Variants in DACH2 observed in about 807,000 individuals in gnomAD.
DACH2 encodes dachshund family transcription factor 2, also known as dachshund homolog 2.
In DACH2, 17 loss-of-function variants were observed where a neutral mutation model predicts 35.8. That is an observed-to-expected ratio of 0.48 (90% CI 0.33 to 0.71). The LOEUF (loss-of-function observed/expected upper bound fraction) is 0.71. Among genes scored for constraint, DACH2 ranks in the 30% least tolerant of loss-of-function variants. DACH2 has a pLI of 0.02. For missense variants in DACH2, 469 were observed against 472.7 expected (o/e 0.99, Z 0.07); for synonymous variants, 195 against 177.3 (o/e 1.10, Z -0.79).
intron 2 of DACH2, among the ~76,000 whole-genome samples, chrX:86,492,487 T>C (rs183146420): frequency 8.9e-6 from 1 of 112,189 alleles, no homozygotes; most frequent in Admixed American, 9.5e-5. Flanking sequence ...AGAAGGTGCA[T>C]GTGCAATTTT....
chrX:86,603,017 C>A (rs994100324), intron 3 of DACH2, among the ~76,000 whole-genome samples: 1 of 111,183 alleles, frequency 9.0e-6, no homozygotes, highest in African/African-American at 3.3e-5. Flanking sequence ...AACTTGTTGG[C>A]GTAAACAACA....
chrX:86,457,078 A>T (rs1040343038), intron 2 of DACH2, among the ~76,000 whole-genome samples: 1 of 111,523 alleles, frequency 9.0e-6, no homozygotes, highest in Non-Finnish European at 1.9e-5. Context: ...TTGTAGTCAA[A>T]TTTAGTTTTT....
At chrX:86,669,484 A>G (rs745964618) in intron 4 of DACH2, among the ~76,000 whole-genome samples, 2 of 111,631 alleles carry the variant, frequency 1.8e-5, no homozygotes, top group Admixed American at 9.6e-5. Flanking sequence ...GCAGTTTCAC[A>G]TCAACATATT....
intron 3 of DACH2, among the ~76,000 whole-genome samples, chrX:86,578,739 G>A (rs920061325): frequency 9.0e-6 from 1 of 111,201 alleles, no homozygotes; most frequent in African/African-American, 3.3e-5. Flanking sequence ...TTATAGTGGG[G>A]GTTTTCTTGT....
intron 2 of DACH2, among the ~76,000 whole-genome samples, chrX:86,424,224 G>A (rs2036854236): frequency 9.0e-6 from 1 of 110,903 alleles, no homozygotes; most frequent in African/African-American, 3.3e-5. Context: ...TGTGAAGAAT[G>A]TCATTGGTAT....
intron 5 of DACH2, among the ~76,000 whole-genome samples, chrX:86,704,188 T>C (rs953787256): frequency 9.0e-6 from 1 of 111,076 alleles, no homozygotes; most frequent in Non-Finnish European, 1.9e-5. Flanking sequence ...AAAGCATAAA[T>C]TGGGGGAAAG....
intron 7 of DACH2, among the ~76,000 whole-genome samples, chrX:86,805,250 G>A (rs1003166068): frequency 1.8e-5 from 2 of 112,715 alleles, no homozygotes; most frequent in African/African-American, 3.2e-5. Context: ...ACATGAAAGC[G>A]GCCAAGGCTT....
intron 1 of DACH2, among the ~76,000 whole-genome samples, chrX:86,323,058 G>A (rs1305423967): frequency 8.9e-6 from 1 of 112,576 alleles, no homozygotes; most frequent in Non-Finnish European, 1.9e-5. Context: ...TTTTGGCAAA[G>A]GGCAGACAAG....
chrX:86,176,695 T>C (rs1324528822), intron 1 of DACH2, among the ~76,000 whole-genome samples: 1 of 112,244 alleles, frequency 8.9e-6, no homozygotes, highest in African/African-American at 3.2e-5. Context: ...TATGAAGGTT[T>C]GAATATTTAT....
At chrX:86,639,052 G>A (rs180850231) in intron 3 of DACH2, among the ~76,000 whole-genome samples, 3 of 112,184 alleles carry the variant, frequency 2.7e-5, no homozygotes, top group Non-Finnish European at 5.6e-5. Context: ...ATATGGTAGC[G>A]ATGAGTGGCC....
intron 2 of DACH2, among the ~76,000 whole-genome samples, chrX:86,502,787 C>T (rs940813252): frequency 8.9e-6 from 1 of 112,025 alleles, no homozygotes; most frequent in East Asian, 2.8e-4. Context: ...ACCCACAGCC[C>T]GGGGGCTGCA....
At position 86,709,918 on chromosome X, in the gene DACH2, G is replaced by A. The variant is rs928363153; in HGVS notation, c.932-4630G>A. On this transcript the variant is annotated intron_variant, in intron 5 of 11. Coordinates refer to ENST00000373125, the MANE Select transcript of DACH2 (RefSeq NM_053281.3). The stretch of plus-strand genomic sequence containing the variant: ...TTGTTCACAAAGATTTGGAACAACA[G>A]GAACTTTCAGTTTGGTTTTAATGGA... 3.6e-5 allele frequency among the ~76,000 whole-genome samples: 4 copies of A among 111,910 alleles called. No individual in the cohort carries two copies. The East Asian group carries it at 1.1e-3, about 32-fold the overall frequency.
At chrX:86,430,901 G>A (rs746583752) in intron 2 of DACH2, among the ~76,000 whole-genome samples, 5 of 111,670 alleles carry the variant, frequency 4.5e-5, no homozygotes, top group East Asian at 2.8e-4. Context: ...TTGGTGAGAC[G>A]ATGACATGTT....
intron 4 of DACH2, among the ~76,000 whole-genome samples, chrX:86,653,644 T>C (rs959612958): frequency 1.9e-5 from 2 of 107,584 alleles, no homozygotes; most frequent in Non-Finnish European, 3.8e-5. Context: ...TGAAGCTTAG[T>C]TTGGCCGGAT....
intron 1 of DACH2, among the ~76,000 whole-genome samples, chrX:86,317,317 C>G (rs144557569): frequency 9.0e-5 from 10 of 110,772 alleles, no homozygotes; most frequent in Non-Finnish European, 1.7e-4. Flanking sequence ...TCCAAAAAAA[C>G]GAAACCTCTG....
chrX:86,531,486 C>T (rs1292346588), intron 3 of DACH2, among the ~76,000 whole-genome samples: 1 of 112,000 alleles, frequency 8.9e-6, no homozygotes, highest in Non-Finnish European at 1.9e-5. Flanking sequence ...CTAAAAGGAA[C>T]CAAGGCACTG....
chrX:86,316,469 A>T (rs2034908704), intron 1 of DACH2, among the ~76,000 whole-genome samples: 1 of 111,282 alleles, frequency 9.0e-6, no homozygotes, highest in Non-Finnish European at 1.9e-5. Flanking sequence ...GAACTGCATG[A>T]GGTTAGAAAG....
intron 1 of DACH2, among the ~76,000 whole-genome samples, chrX:86,288,509 G>A (rs2034200707): frequency 8.9e-6 from 1 of 112,292 alleles, no homozygotes; most frequent in South Asian, 3.7e-4. Context: ...ACCAAGAGGT[G>A]CTGTCTGGGA....
chrX:86,277,166 G>A (rs137890982), intron 1 of DACH2, among the ~76,000 whole-genome samples: 1 of 111,083 alleles, frequency 9.0e-6, no homozygotes, highest in Non-Finnish European at 1.9e-5. Context: ...TTATATCCAT[G>A]GAATGTCTTC....
Sources: allele counts gnomAD v4.1 joint callset (sites outside exome capture counted in the v4.1 genomes callset), GRCh38; gene constraint gnomAD v4.1.1; transcripts MANE v1.5; gene names NCBI Gene and HGNC (gene_info 2026-07-23, HGNC 2026-07-21).